The following USP43 variants were observed in gnomAD, a reference collection of about 807,000 sequenced individuals.
USP43 encodes ubiquitin specific peptidase 43.
In USP43, 33 loss-of-function variants were observed where a neutral mutation model predicts 90.7. The observed-to-expected ratio is 0.36, with a 90% CI of 0.28 to 0.49. The LOEUF is 0.49. Among genes scored for constraint, USP43 ranks in the 20% least tolerant of loss-of-function variants. USP43 has a pLI of 0.98. For synonymous variants in USP43, 598 were observed against 615.8 expected, an observed-to-expected ratio of 0.97 and a Z score of 0.43; for missense variants, 1,274 against 1,476.4, an observed-to-expected ratio of 0.86 and a Z score of 2.25.
At chr17:9,708,946 A>G (rs1406745320) in intron 12 of USP43, among the ~76,000 whole-genome samples, 3 of 151,912 alleles carry the variant, frequency 2.0e-5, no homozygotes, top group Admixed American at 6.6e-5. Context: ...TCCCCCGTTT[A>G]TTAATAATCT....
intron 4 of USP43, among the ~76,000 whole-genome samples, chr17:9,675,927 C>T (rs182951957): frequency 5.3e-5 from 8 of 152,298 alleles, no homozygotes; most frequent in East Asian, 1.9e-4. Flanking sequence ...TGGAGCCAGA[C>T]GGCCCAGGTT....
rs187220099 is a variant in USP43 at position 9,714,551 on chromosome 17, C to T, written c.2335+2419C>T. Among the ~76,000 whole-genome samples, 399 of 151,908 alleles carry T rather than the reference C, an allele frequency of 2.6e-3. 2 individuals carry two copies. Among genetic ancestry groups the T allele is most frequent in the Middle Eastern group, 0.014 (4 of 294 alleles). On this transcript the variant is annotated intron_variant, in intron 14 of 14. Transcript: ENST00000285199. The stretch of plus-strand genomic sequence containing the variant: ...AAAAAAAATTAGCTGGGCATGGTGG[C>T]GCACGCCTGTAATCCCAGCTACTCA...
At chr17:9,673,494 G>A (rs1913573110) in intron 3 of USP43, among the ~76,000 whole-genome samples, 1 of 152,094 alleles carries the variant, frequency 6.6e-6, no homozygotes. Context: ...GGGTGACAGT[G>A]CGAGACTCCG....
intron 2 of USP43, among the ~76,000 whole-genome samples, chr17:9,658,956 G>A (rs1451593577): frequency 1.3e-5 from 2 of 152,148 alleles, no homozygotes; most frequent in East Asian, 1.9e-4. Context: ...GGAAGAGTCC[G>A]ATTGTCTCAG....
At chr17:9,659,246 T>C (rs1189716221) in intron 2 of USP43, among the ~76,000 whole-genome samples, 3 of 152,234 alleles carry the variant, frequency 2.0e-5, no homozygotes, top group Non-Finnish European at 4.4e-5. Context: ...GCCAGGGGTG[T>C]AACTTGATGC....
In USP43 at chr17:9,729,670, A is replaced by G. The variant is rs1260549819; in HGVS notation, c.*680A>G. On this transcript the variant is annotated 3_prime_UTR_variant, in exon 15 of 15. Transcript: ENST00000285199. ...TATGAGATCTATGTACAATTTTAAT[A>G]AAATCCTGTCCATGAAACACGCATG... 6.6e-6 allele frequency: 1 copy of G among 152,206 alleles called. No individual in the cohort carries two copies. The highest frequency in any genetic ancestry group is 1.5e-5 in the Non-Finnish European group (1 of 68,040). The allele number at this position is 152,206 out of a possible 1,614,324, so 9.4% of individuals were successfully genotyped here.
chr17:9,650,442 G>A (rs1238654645), intron 1 of USP43, among the ~76,000 whole-genome samples: 8 of 151,880 alleles, frequency 5.3e-5, no homozygotes, highest in Non-Finnish European at 1.0e-4. Context: ...TCACTCTGTC[G>A]CCCAGGCTGG....
intron 3 of USP43, among the ~76,000 whole-genome samples, chr17:9,667,590 A>G (rs78923440): frequency 0.019 from 2,846 of 152,240 alleles, 74 homozygotes; most frequent in African/African-American, 0.056. Flanking sequence ...AACCCCATGG[A>G]CTTCTCAGAG....
chr17:9,692,877 G>A (rs913121753), intron 8 of USP43, among the ~76,000 whole-genome samples: 6 of 152,078 alleles, frequency 3.9e-5, no homozygotes, highest in African/African-American at 1.2e-4. Context: ...TAAACACACT[G>A]TGTTCATTTT....
rs1437544027 is a variant in USP43 at position 9,701,989 on chromosome 17, G to A, written c.2011+289G>A. Among the ~76,000 whole-genome samples, 1 of 152,226 alleles carries A rather than the reference G, an allele frequency of 6.6e-6. No individual in the cohort carries two copies. Among genetic ancestry groups the A allele is most frequent in the Non-Finnish European group, 1.5e-5 (1 of 68,040 alleles). On this transcript the variant is annotated intron_variant, in intron 12 of 14. Coordinates refer to ENST00000285199, the MANE Select transcript of USP43 (RefSeq NM_153210.5). This position sits in a 1 kb window ranked among gnomAD's most constrained non-coding sequence, Gnocchi z 7.2. ...ATAGGCAGGGCACGGTAGTGTGGCT[G>A]TCTCGCACCATGTGCGAGAGCAGAA... is the stretch of plus-strand genomic sequence containing the variant.
rs373664783 is a variant in USP43 at position 9,680,302 on chromosome 17, C to T, written c.1041C>T (p.Ile347=). 1.7e-5 allele frequency: 28 copies of T among 1,613,756 alleles called. No homozygotes were observed. Among genetic ancestry groups the T allele is most frequent in the Middle Eastern group, 1.6e-4 (1 of 6,084 alleles). ...TTGATGAAGAGGACCTGAATACCATCGCAGAGGGAGATAATGTGTATGCCT... is the reference window on the plus strand; with the variant it reads ...TTGATGAAGAGGACCTGAATACCATTGCAGAGGGAGATAATGTGTATGCCT... ...SFFDEEDLNT[I]AEGDNVYAFQ... is the part of the protein sequence containing the mutation. Residue 347 remains isoleucine, a synonymous_variant, in exon 6 of 15, where the codon ATC becomes ATT. Coordinates refer to ENST00000285199, the MANE Select transcript of USP43 (RefSeq NM_153210.5).
At chr17:9,708,195 G>A (rs1597878199) in intron 12 of USP43, among the ~76,000 whole-genome samples, 3 of 152,244 alleles carry the variant, frequency 2.0e-5, no homozygotes, top group Admixed American at 6.5e-5. Context: ...AATTGATGAA[G>A]GGTGGGGCTG....
chr17:9,658,688 C>T (rs948377174), intron 2 of USP43, among the ~76,000 whole-genome samples: 15 of 152,118 alleles, frequency 9.9e-5, no homozygotes, highest in Non-Finnish European at 1.9e-4. Flanking sequence ...GACCCCTTTT[C>T]GTTGTGACAG....
intron 14 of USP43, among the ~76,000 whole-genome samples, chr17:9,716,906 T>G (rs1276910226): frequency 2.0e-5 from 3 of 152,056 alleles, no homozygotes; most frequent in African/African-American, 7.2e-5. Context: ...GAGGCCGAGG[T>G]GGGAGGATCA....
chr17:9,664,234 G>A (rs1452337371), intron 2 of USP43, among the ~76,000 whole-genome samples: 2 of 152,110 alleles, frequency 1.3e-5, no homozygotes, highest in Admixed American at 6.5e-5. Flanking sequence ...AACTTACGTT[G>A]TACTAAATTT....
chr17:9,727,317 G>T (rs1024057711), intron 14 of USP43, among the ~76,000 whole-genome samples: 2 of 151,792 alleles, frequency 1.3e-5, no homozygotes, highest in East Asian at 3.9e-4. Flanking sequence ...AAAGAATTAA[G>T]AAAAAAAATC....
At position 9,645,619 on chromosome 17, in the gene USP43, C is replaced by A; in HGVS notation, c.-14C>A. On this transcript the variant is annotated 5_prime_UTR_variant, in exon 1 of 15. Coordinates refer to ENST00000285199, the MANE Select transcript of USP43 (RefSeq NM_153210.5). This position sits in a 1 kb window ranked among gnomAD's most constrained non-coding sequence, Gnocchi z 6.8. ...CCCGGGGGCTCCGCGCCTGGAGCTGCGCCGGCGGCAGCCATGGACCTGGGC... is the reference window on the plus strand; with the variant it reads ...CCCGGGGGCTCCGCGCCTGGAGCTGAGCCGGCGGCAGCCATGGACCTGGGC... 1 of 1,194,444 alleles carries A rather than the reference C, an allele frequency of 8.4e-7. No individual in the cohort carries two copies. The highest frequency in any genetic ancestry group is 1.0e-6 in the Non-Finnish European group (1 of 964,642). The allele number at this position is 1,194,444 out of a possible 1,614,324, so 74.0% of individuals were successfully genotyped here.
At chr17:9,658,625 GA>G (rs1912427310) in intron 2 of USP43, among the ~76,000 whole-genome samples, 1 of 152,192 alleles carries the variant, frequency 6.6e-6, no homozygotes, top group African/African-American at 2.4e-5. Flanking sequence ...TCTGGGTTTT[GA>G]GATTAGGGGT....
At chr17:9,652,219 A>G (rs1414762797) in intron 1 of USP43, among the ~76,000 whole-genome samples, 3 of 151,144 alleles carry the variant, frequency 2.0e-5, no homozygotes, top group Non-Finnish European at 2.9e-5. Flanking sequence ...GCGCAAAAAA[A>G]AAAAAAAAAA....
Sources: gnomAD v4.1 joint callset for allele counts (sites outside exome capture counted in the v4.1 genomes callset) on GRCh38, gnomAD v4.1.1 for gene constraint, Gnocchi (gnomAD v3.1) non-coding constraint, MANE v1.5 for transcripts, NCBI Gene and HGNC (gene_info 2026-07-23, HGNC 2026-07-21) for gene names.